Variants in DCHS2 observed in about 807,000 individuals in gnomAD.
DCHS2 encodes protocadherin-23.
DCHS2 carries 142 observed loss-of-function variants against 182.4 expected under a neutral mutation model. That is an observed-to-expected ratio of 0.78 (90% CI 0.68 to 0.89). DCHS2 has a LOEUF of 0.89. Ranked by LOEUF, DCHS2 falls within the 40% of genes least tolerant of loss-of-function variation. DCHS2 has a pLI of 0.00. For missense variants in DCHS2, 4,319 were observed against 4,198.6 expected, an observed-to-expected ratio of 1.03 and a Z score of -0.79; for synonymous variants, 1,740 against 1,663.3, an observed-to-expected ratio of 1.05 and a Z score of -1.12.
At chr4:154,452,321 T>C (rs1001877171) in intron 1 of DCHS2, among the ~76,000 whole-genome samples, 10 of 152,158 alleles carry the variant, frequency 6.6e-5, no homozygotes, top group African/African-American at 2.4e-4. Flanking sequence ...AACTTGTCAA[T>C]TTAGCACCCT....
intron 16 of DCHS2, among the ~76,000 whole-genome samples, chr4:154,252,665 TC>T (rs145028247): frequency 0.71 from 105,964 of 149,178 alleles, 42,491 homozygotes; most frequent in Non-Finnish European, 0.91. Flanking sequence ...CTTCTTTTTT[TC>T]TTTTAATGGC....
intron 1 of DCHS2, among the ~76,000 whole-genome samples, chr4:154,400,895 C>T (rs1178851694): frequency 6.6e-6 from 1 of 152,200 alleles, no homozygotes; most frequent in East Asian, 1.9e-4. Context: ...AGTCCACTCT[C>T]TCAGCCAAGC....
chr4:154,294,310 G>C (rs1390563431), intron 13 of DCHS2, among the ~76,000 whole-genome samples: 3 of 152,162 alleles, frequency 2.0e-5, no homozygotes, highest in Non-Finnish European at 4.4e-5. Flanking sequence ...GTATGTTGGG[G>C]AAGGAGAAAA....
chr4:154,314,755 G>C (rs998667646), intron 10 of DCHS2, among the ~76,000 whole-genome samples: 1 of 151,982 alleles, frequency 6.6e-6, no homozygotes, highest in Non-Finnish European at 1.5e-5. Context: ...AATGCCATTT[G>C]CTATATACAA....
intron 1 of DCHS2, chr4:154,486,363 G>A: frequency 7.8e-7 from 1 of 1,287,758 alleles, no homozygotes; most frequent in Non-Finnish European, 1.0e-6. Context: ...AAACATTGGG[G>A]ATGTGGAGTA....
Position 154,259,757 on chromosome 4 carries a change from CT to C in DCHS2, c.6578-2del. On this transcript the variant is annotated splice_acceptor_variant, in intron 14 of 19. Coordinates refer to ENST00000357232, the MANE Select transcript of DCHS2 (RefSeq NM_001358235.2). LOFTEE classifies it high-confidence loss of function. The stretch of plus-strand genomic sequence containing the variant: ...TTGGGTTCTTTCACAGTGAGTTGTC[CT>C]ATTTTTATTTCCAAGGAGAAAAAAA... The C allele has an allele frequency of 6.2e-7, 1 of 1,600,306 alleles. No individual in the cohort carries two copies. The highest frequency in any genetic ancestry group is 8.5e-7 in the Non-Finnish European group (1 of 1,175,714).
chr4:154,451,257 T>C (rs150779787), intron 1 of DCHS2, among the ~76,000 whole-genome samples: 321 of 152,306 alleles, frequency 2.1e-3, no homozygotes, highest in African/African-American at 7.5e-3. Flanking sequence ...CTTAGGATTT[T>C]AGAGCAAAGC....
intron 1 of DCHS2, among the ~76,000 whole-genome samples, chr4:154,407,677 C>T (rs545030887): frequency 8.1e-4 from 123 of 152,276 alleles, no homozygotes; most frequent in African/African-American, 2.9e-3. Context: ...AGGTGCCCCA[C>T]ACAACCCTGA....
intron 16 of DCHS2, among the ~76,000 whole-genome samples, chr4:154,247,978 T>C (rs1732162751): frequency 6.6e-6 from 1 of 152,120 alleles, no homozygotes; most frequent in South Asian, 2.1e-4. Flanking sequence ...TAACCCAAAC[T>C]GTTCATGCTA....
chr4:154,333,398 G>C lies in DCHS2; in HGVS notation c.2810C>G (p.Pro937Arg), dbSNP rs755149905. ...CACGGGCTGCGTCTCGTGATCCAGG[G>C]GCTTCCGGGTGCGAATAGTGCCCAG... is the stretch of plus-strand genomic sequence containing the variant. Reference protein sequence around the residue: ...PRLGTIRTRKPLDHETQPVVV... With the variant: ...PRLGTIRTRKRLDHETQPVVV... Residue 937 changes from proline (P) to arginine (R), a missense_variant, in exon 5 of 20, where the codon CCC becomes CGC. Coordinates refer to ENST00000357232, the MANE Select transcript of DCHS2 (RefSeq NM_001358235.2). The C allele has an allele frequency of 9.3e-6, 15 of 1,614,094 alleles. No individual in the cohort carries two copies. In the Admixed American group the frequency reaches 2.5e-4, roughly 27 times the overall value.
intron 1 of DCHS2, among the ~76,000 whole-genome samples, chr4:154,423,809 T>C (rs1733207928): frequency 1.3e-5 from 2 of 152,238 alleles, no homozygotes; most frequent in Non-Finnish European, 2.9e-5. Context: ...AAAATGCATA[T>C]AAACCACTTG....
chr4:154,330,676 G>A (rs981525724), intron 5 of DCHS2, among the ~76,000 whole-genome samples: 1 of 151,872 alleles, frequency 6.6e-6, no homozygotes, highest in Admixed American at 6.6e-5. Flanking sequence ...AAATAGCATT[G>A]CATTAAAAAA....
chr4:154,234,602 T>C lies in DCHS2; in HGVS notation c.10050A>G (p.Glu3350=). ...TACCACTGATGTGTGTTCCTAATAA[T>C]TCTCCTTCTCTCAACAGTGGAGACA... The part of the protein sequence containing the change: ...PALSPLLREG[E]LLGTHISGTC... The change falls in exon 20 of 20, where the codon GAA becomes GAG. Residue 3350 remains glutamate, a synonymous_variant. Coordinates refer to ENST00000357232, the MANE Select transcript of DCHS2 (RefSeq NM_001358235.2). 1 of 1,614,006 alleles carries C rather than the reference T, an allele frequency of 6.2e-7. No individual in the cohort carries two copies. The highest frequency in any genetic ancestry group is 8.5e-7 in the Non-Finnish European group (1 of 1,179,944).
chr4:154,442,905 A>G (rs2110959936), intron 1 of DCHS2, among the ~76,000 whole-genome samples: 1 of 152,008 alleles, frequency 6.6e-6, no homozygotes, highest in East Asian at 1.9e-4. Context: ...CTCATGCAAA[A>G]AACTCCTGTC....
At chr4:154,390,100 TAA>T (rs869039132) in intron 1 of DCHS2, among the ~76,000 whole-genome samples, 9 of 135,514 alleles carry the variant, frequency 6.6e-5, no homozygotes, top group African/African-American at 2.0e-4. Context: ...TTTATTTTTT[TAA>T]ATTTTTTTAT....
chr4:154,233,339 A>G lies in DCHS2; in HGVS notation c.*1197T>C, dbSNP rs562896323. ...TATGTGAGCACCATCTAGCACTGCT[A>G]TATTTCTAAAATAGTAATTGTACAG... is the stretch of plus-strand genomic sequence containing the variant. On this transcript the variant is annotated 3_prime_UTR_variant, in exon 20 of 20. Transcript: ENST00000357232. The G allele has an allele frequency of 6.6e-6, 1 of 152,298 alleles. No homozygotes were observed. The allele number at this position is 152,298 out of a possible 1,614,324, so 9.4% of individuals were successfully genotyped here.
intron 3 of DCHS2, among the ~76,000 whole-genome samples, chr4:154,341,150 C>T (rs1729055835): frequency 6.6e-6 from 1 of 152,018 alleles, no homozygotes; most frequent in South Asian, 2.1e-4. Context: ...GGGTGGATCA[C>T]GAGGTCAGGA....
intron 1 of DCHS2, among the ~76,000 whole-genome samples, chr4:154,472,037 A>AG (rs1553956387): frequency 4.6e-5 from 7 of 152,210 alleles, no homozygotes; most frequent in Admixed American, 4.6e-4. Context: ...ACAACTTGCT[A>AG]TTAAAGTACA....
intron 3 of DCHS2, among the ~76,000 whole-genome samples, chr4:154,357,691 G>C (rs1230615953): frequency 6.6e-6 from 1 of 152,030 alleles, no homozygotes; most frequent in Admixed American, 6.6e-5. Flanking sequence ...AAACTGTCTT[G>C]GTAAATTCTT....
Sources: allele counts gnomAD v4.1 joint callset (sites outside exome capture counted in the v4.1 genomes callset), GRCh38; gene constraint gnomAD v4.1.1; transcripts MANE v1.5; gene names NCBI Gene and HGNC (gene_info 2026-07-23, HGNC 2026-07-21).